Variants in RIN2 observed in about 807,000 individuals in gnomAD.
The protein encoded by RIN2 is Ras and Rab interactor 2.
A neutral mutation model predicts 78.0 loss-of-function variants in RIN2; 36 were observed. The ratio of observed to expected loss-of-function variants is 0.46; its 90% confidence interval spans 0.35 to 0.61. RIN2 has a LOEUF of 0.61. Ranked by LOEUF, RIN2 falls within the 20% of genes least tolerant of loss-of-function variation. The pLI is 0.00. For synonymous variants in RIN2, 466 were observed against 466.8 expected, an observed-to-expected ratio of 1.00 and a Z score of 0.02; for missense variants, 1,087 against 1,159.7, an observed-to-expected ratio of 0.94 and a Z score of 0.91.
chr20:19,771,513 C>T (rs1429852200), intron 1 of RIN2, among the ~76,000 whole-genome samples: 5 of 152,214 alleles, frequency 3.3e-5, no homozygotes, highest in Non-Finnish European at 7.3e-5. Context: ...TGTCCCTGCA[C>T]CAGGCAGACG....
chr20:19,796,198 TG>T (rs900820542), intron 1 of RIN2, among the ~76,000 whole-genome samples: 2 of 152,228 alleles, frequency 1.3e-5, no homozygotes, highest in African/African-American at 4.8e-5. Flanking sequence ...TTTTGTAAAA[TG>T]AAGGATTTGG....
intron 2 of RIN2, among the ~76,000 whole-genome samples, chr20:19,840,647 G>T (rs2036551153): frequency 6.6e-6 from 1 of 152,132 alleles, no homozygotes; most frequent in African/African-American, 2.4e-5. Context: ...ATGCCCTTAC[G>T]TTCAGTCACG....
chr20:19,972,969 T>G (rs1169635083), intron 8 of RIN2, among the ~76,000 whole-genome samples: 1 of 152,044 alleles, frequency 6.6e-6, no homozygotes, highest in Non-Finnish European at 1.5e-5. Context: ...ATATAAAAAA[T>G]TTTAAGGTAT....
intron 5 of RIN2, among the ~76,000 whole-genome samples, chr20:19,959,164 A>G (rs1442467937): frequency 2.0e-5 from 3 of 152,174 alleles, no homozygotes; most frequent in Non-Finnish European, 4.4e-5. Context: ...GCGTGGCTGT[A>G]TTTCACTACA....
intron 2 of RIN2, among the ~76,000 whole-genome samples, chr20:19,870,091 T>C (rs772363545): frequency 1.1e-4 from 17 of 152,118 alleles, no homozygotes; most frequent in Non-Finnish European, 1.3e-4. Flanking sequence ...TTAGAGTAGA[T>C]TGTAGCCATC....
rs1240908457 is a variant in RIN2 at position 20,001,079 on chromosome 20, G to A, written c.*143G>A. 9.7e-6 allele frequency: 7 copies of A among 723,220 alleles called. No individual in the cohort carries two copies. Among genetic ancestry groups the A allele is most frequent in the Admixed American group, 2.9e-5 (1 of 33,928 alleles). 44.8% of individuals were successfully genotyped at this position (723,220 alleles called of 1,614,324 possible). The stretch of plus-strand genomic sequence containing the variant: ...GACTAAGCCATCCACAGGCCAACTC[G>A]GCCAAGGGCAACTTTAGCCACGCAA... On this transcript the variant is annotated 3_prime_UTR_variant, in exon 13 of 13. Transcript: ENST00000255006.
intron 2 of RIN2, among the ~76,000 whole-genome samples, chr20:19,887,199 T>A (rs1354621728): frequency 1.3e-5 from 2 of 151,088 alleles, no homozygotes; most frequent in Non-Finnish European, 3.0e-5. Context: ...TTTTTTTTAA[T>A]TTTTTTTAGA....
intron 2 of RIN2, among the ~76,000 whole-genome samples, chr20:19,825,292 G>A (rs776866136): frequency 2.0e-5 from 3 of 152,190 alleles, no homozygotes; most frequent in Non-Finnish European, 4.4e-5. Flanking sequence ...TGACAGCCCT[G>A]CTACCTGGTT....
At chr20:19,759,242 T>C (rs1335305421) in intron 1 of RIN2, among the ~76,000 whole-genome samples, 1 of 152,216 alleles carries the variant, frequency 6.6e-6, no homozygotes, top group Admixed American at 6.5e-5. Flanking sequence ...CTCAGAGCTC[T>C]TAAATCCCTG....
In RIN2 at chr20:20,002,103, A is replaced by G. The variant is rs983724214; in HGVS notation, c.*1167A>G. 1.3e-5 allele frequency: 2 copies of G among 152,290 alleles called. No homozygotes were observed. Among genetic ancestry groups the G allele is most frequent in the Admixed American group, 6.5e-5 (1 of 15,282 alleles). 9.4% of individuals were successfully genotyped at this position (152,290 alleles called of 1,614,324 possible). Reference sequence around the variant, plus strand: ...GTTGAGTTAAATAAGATGCTATATAATGGAGAAGAATTTGAAAATGCACAA... The same window carrying G: ...GTTGAGTTAAATAAGATGCTATATAGTGGAGAAGAATTTGAAAATGCACAA... On this transcript the variant is annotated 3_prime_UTR_variant, in exon 13 of 13. Coordinates refer to ENST00000255006, the MANE Select transcript of RIN2 (RefSeq NM_018993.4).
Position 19,990,145 on chromosome 20 carries a change from G to T in RIN2, c.1902G>T (p.Arg634Ser), listed in dbSNP as rs1285124269. 6.2e-7 allele frequency: 1 copy of T among 1,602,746 alleles called. No individual in the cohort carries two copies. Among genetic ancestry groups the T allele is most frequent in the East Asian group, 2.3e-5 (1 of 44,444 alleles). The change falls in exon 10 of 13, where the codon AGG becomes AGT. Residue 634 changes from arginine (R) to serine (S), a missense_variant. Physicochemically the swap from Arg to Ser is moderately radical, Grantham distance 110. This residue lies in a region of RIN2 where 97 missense variants were observed against 104.8 expected (regional missense o/e 0.93). Coordinates refer to ENST00000255006, the MANE Select transcript of RIN2 (RefSeq NM_018993.4). ...LKENLQLVRQ[R>S]NPQELGVFAP... ...AGAACCTGCAGCTTGTGCGGCAGAG[G>T]AATCCGCAGGAGCTGGGGGTCTTCG...
intron 4 of RIN2, among the ~76,000 whole-genome samples, chr20:19,955,136 G>A (rs1407369438): frequency 1.3e-5 from 2 of 152,026 alleles, no homozygotes; most frequent in Non-Finnish European, 2.9e-5. Flanking sequence ...ATTCTCTGGA[G>A]CCCACTGATC....
At chr20:19,927,871 GA>G (rs1283005622) in intron 3 of RIN2, among the ~76,000 whole-genome samples, 1 of 151,918 alleles carries the variant, frequency 6.6e-6, no homozygotes, top group African/African-American at 2.4e-5. Flanking sequence ...TAAATAGGAA[GA>G]GGATTAGAGA....
chr20:19,762,826 C>T (rs953085840), intron 1 of RIN2, among the ~76,000 whole-genome samples: 4 of 152,108 alleles, frequency 2.6e-5, no homozygotes, highest in Admixed American at 6.5e-5. Context: ...TGCAGTGGTG[C>T]GATCTCGGCT....
In RIN2 at chr20:19,980,558, A is replaced by G. The variant is rs1377778320; in HGVS notation, c.1762+4771A>G. Among the ~76,000 whole-genome samples the G allele has an allele frequency of 2.0e-5, 3 of 152,208 alleles. No homozygotes were observed. The East Asian group carries it at 5.8e-4, about 29-fold the overall frequency. ...GTCTGCTCCAGAGTATTTTTTGACC[A>G]TATTCCTAGAGTCTTTCTACCTCCC... is the stretch of plus-strand genomic sequence containing the variant. On this transcript the variant is annotated intron_variant, in intron 9 of 12. Coordinates refer to ENST00000255006, the MANE Select transcript of RIN2 (RefSeq NM_018993.4).
At chr20:19,870,968 C>T (rs556477473) in intron 2 of RIN2, among the ~76,000 whole-genome samples, 1 of 152,282 alleles carries the variant, frequency 6.6e-6, no homozygotes, top group African/African-American at 2.4e-5. Flanking sequence ...TTGCAACTAA[C>T]AAATACTGTT....
intron 1 of RIN2, among the ~76,000 whole-genome samples, chr20:19,783,199 C>T (rs547150128): frequency 5.3e-5 from 8 of 152,344 alleles, no homozygotes; most frequent in South Asian, 2.1e-4. Flanking sequence ...ACTGGAAAAA[C>T]TTTCTGTGTT....
intron 2 of RIN2, among the ~76,000 whole-genome samples, chr20:19,838,941 C>T (rs1337700947): frequency 6.6e-6 from 1 of 152,108 alleles, no homozygotes; most frequent in Admixed American, 6.5e-5. Context: ...ACCAGCTTGT[C>T]AGCCTGGATG....
intron 2 of RIN2, among the ~76,000 whole-genome samples, chr20:19,881,671 G>T (rs1227800281): frequency 1.3e-5 from 2 of 152,102 alleles, no homozygotes; most frequent in Non-Finnish European, 2.9e-5. Context: ...CAATCTCCTG[G>T]ACTCAAGAGA....
Sources: gnomAD v4.1 joint callset for allele counts (sites outside exome capture counted in the v4.1 genomes callset) on GRCh38, gnomAD v4.1.1 for gene constraint, gnomAD v4.1.1 regional missense constraint, MANE v1.5 for transcripts, NCBI Gene and HGNC (gene_info 2026-07-23, HGNC 2026-07-21) for gene names.